Variants in ASB3 observed in about 807,000 individuals in gnomAD.
ASB3 encodes ankyrin repeat and SOCS box containing 3.
A neutral mutation model predicts 54.5 loss-of-function variants in ASB3; 41 were observed. The ratio of observed to expected loss-of-function variants is 0.75; its 90% confidence interval spans 0.59 to 0.98. ASB3 has a LOEUF of 0.98. Among genes scored for constraint, ASB3 ranks in the 50% least tolerant of loss-of-function variants. The pLI is 0.00. For missense variants in ASB3, 733 were observed against 620.0 expected, an observed-to-expected ratio of 1.18 and a Z score of -1.94; for synonymous variants, 266 against 221.2, an observed-to-expected ratio of 1.20 and a Z score of -1.80.
intron 1 of ASB3, chr2:53,768,030 C>G (rs752662861): frequency 3.7e-6 from 6 of 1,612,396 alleles, no homozygotes; most frequent in East Asian, 4.5e-5. Context: ...AGGTGAGGCG[C>G]CGGTCAGCTC....
At chr2:53,711,702 A>G (rs567385724) in intron 7 of ASB3, among the ~76,000 whole-genome samples, 189 of 152,186 alleles carry the variant, frequency 1.2e-3, no homozygotes, top group Non-Finnish European at 2.0e-3. Context: ...TGAACTCGGG[A>G]GATGGAGGTT....
In ASB3 at chr2:53,765,494, T is replaced by G. The variant is rs952002543; in HGVS notation, c.79A>C (p.Arg27=). 1 of 1,614,110 alleles carries G rather than the reference T, an allele frequency of 6.2e-7. No individual in the cohort carries two copies. The highest frequency in any genetic ancestry group is 1.3e-5 in the African/African-American group (1 of 74,940). Residue 27 remains arginine, a synonymous_variant, in exon 2 of 10, where the codon AGG becomes CGG. Transcript: ENST00000263634. ...CTTCGGCCCTTTTTGAGCAGTTTCCTTAAGACTTTAACATTGCCTTCCCTG... is the reference window on the plus strand; with the variant it reads ...CTTCGGCCCTTTTTGAGCAGTTTCCGTAAGACTTTAACATTGCCTTCCCTG... ...AAREGNVKVL[R]KLLKKGRSVD...
At chr2:53,781,669 A>G (rs939261256) in intron 1 of ASB3, among the ~76,000 whole-genome samples, 2 of 151,388 alleles carry the variant, frequency 1.3e-5, no homozygotes, top group East Asian at 3.9e-4. Context: ...CTAATTTTCT[A>G]TTTTCAGGAG....
At chr2:53,716,431 G>T (rs906586974) in intron 6 of ASB3, 135 bp downstream of exon 6, 1 of 1,085,328 alleles carries the variant, frequency 9.2e-7, no homozygotes. Flanking sequence ...ATTAGGGGTA[G>T]ATCTGTTCAC....
intron 4 of ASB3, among the ~76,000 whole-genome samples, chr2:53,729,116 C>G (rs1179375751): frequency 6.6e-6 from 1 of 152,066 alleles, no homozygotes; most frequent in African/African-American, 2.4e-5. Context: ...AATTAGCTTG[C>G]TAACCAAAGC....
At chr2:53,713,548 G>A (rs1670221397) in intron 7 of ASB3, among the ~76,000 whole-genome samples, 1 of 152,296 alleles carries the variant, frequency 6.6e-6, no homozygotes, top group African/African-American at 2.4e-5. Context: ...CTATTTCACA[G>A]AATTATGACA....
chr2:53,716,641 GC>G lies in ASB3; in HGVS notation c.706del (p.Ala236GlnfsTer31). On this transcript the variant is annotated frameshift_variant, in exon 6 of 10. Coordinates refer to ENST00000263634, the MANE Select transcript of ASB3 (RefSeq NM_016115.5). LOFTEE classifies it high-confidence loss of function. ...CTCATTACAGTAAAGATCAGGATCT[GC>G]CCCACTGGAGAGCAAAAGCTCCACA... is the stretch of plus-strand genomic sequence containing the variant. The part of the protein sequence containing the change: ...KCVELLLSSG[A>X]DPDLYCNEDS... 6.2e-7 allele frequency: 1 copy of G among 1,614,172 alleles called. No homozygotes were observed. Among genetic ancestry groups the G allele is most frequent in the East Asian group, 2.2e-5 (1 of 44,888 alleles).
intron 9 of ASB3, among the ~76,000 whole-genome samples, chr2:53,676,672 T>C (rs564302506): frequency 1.6e-4 from 24 of 152,330 alleles, no homozygotes; most frequent in East Asian, 3.9e-4. Flanking sequence ...CACTCACTCA[T>C]TGATATCACC....
chr2:53,700,566 T>TA, intron 7 of ASB3, 38 bp from the exon 8 acceptor site: 1 of 1,567,996 alleles, frequency 6.4e-7, no homozygotes, highest in Non-Finnish European at 8.6e-7. Context: ...AAGAAGAAGT[T>TA]AGACTTTGAC....
At chr2:53,769,444 A>G (rs994534930) in intron 1 of ASB3, among the ~76,000 whole-genome samples, 5 of 152,244 alleles carry the variant, frequency 3.3e-5, no homozygotes, top group Admixed American at 3.3e-4. Flanking sequence ...ACTAGTCTTG[A>G]CGAAAATGTA....
At chr2:53,717,620 G>C (rs900456609) in intron 5 of ASB3, among the ~76,000 whole-genome samples, 8 of 152,144 alleles carry the variant, frequency 5.3e-5, no homozygotes, top group Admixed American at 1.3e-4. Context: ...AAGAATTTTG[G>C]ATTTGTGAAA....
At chr2:53,698,530 T>C (rs1414261420) in intron 8 of ASB3, among the ~76,000 whole-genome samples, 4 of 152,228 alleles carry the variant, frequency 2.6e-5, no homozygotes, top group African/African-American at 9.6e-5. Context: ...GCAGCCTGAA[T>C]GCTTTGCTAC....
At chr2:53,714,720 CCAA>C in intron 6 of ASB3, 139 bp from the exon 7 acceptor site, 1 of 793,538 alleles carries the variant, frequency 1.3e-6, no homozygotes, top group South Asian at 1.8e-5. Context: ...GTACCTTCTA[CCAA>C]CAACATTAAA....
At chr2:53,743,921 T>C (rs151178540) in intron 3 of ASB3, among the ~76,000 whole-genome samples, 26 of 151,468 alleles carry the variant, frequency 1.7e-4, no homozygotes, top group African/African-American at 6.3e-4. Flanking sequence ...CAGGCACCTG[T>C]AAGCTCAGCT....
intron 7 of ASB3, among the ~76,000 whole-genome samples, chr2:53,713,109 G>A (rs10210726): frequency 0.086 from 13,152 of 152,222 alleles, 609 homozygotes; most frequent in East Asian, 0.17. Context: ...GAGGCTGGAG[G>A]CAGACAGATC....
intron 7 of ASB3, among the ~76,000 whole-genome samples, chr2:53,713,514 G>A (rs1382974185): frequency 6.6e-6 from 1 of 152,156 alleles, no homozygotes; most frequent in Admixed American, 6.5e-5. Flanking sequence ...ACACTAACAA[G>A]GCAGCAGTAA....
intron 9 of ASB3, among the ~76,000 whole-genome samples, chr2:53,691,603 T>C (rs1668914377): frequency 6.6e-6 from 1 of 152,146 alleles, no homozygotes; most frequent in Non-Finnish European, 1.5e-5. Context: ...ACCCTGATCA[T>C]GCTTCTGCTT....
chr2:53,784,565 A>T (rs1573043605), intron 1 of ASB3, among the ~76,000 whole-genome samples: 3 of 152,176 alleles, frequency 2.0e-5, no homozygotes, highest in Non-Finnish European at 2.9e-5. Flanking sequence ...CTAAAGAAGG[A>T]TTCTTCCTTG....
At chr2:53,702,542 C>G (rs115348270) in intron 7 of ASB3, among the ~76,000 whole-genome samples, 1 of 151,936 alleles carries the variant, frequency 6.6e-6, no homozygotes, top group African/African-American at 2.4e-5. Context: ...TTCAAGTACC[C>G]GAGATTTAAA....
Sources: gnomAD v4.1 joint callset for allele counts (sites outside exome capture counted in the v4.1 genomes callset) on GRCh38, gnomAD v4.1.1 for gene constraint, MANE v1.5 for transcripts, NCBI Gene and HGNC (gene_info 2026-07-23, HGNC 2026-07-21) for gene names.